Variants in C13orf42 observed in about 807,000 individuals in gnomAD.
C13orf42 encodes chromosome 13 open reading frame 42.
Position 51,159,373 on chromosome 13 carries a change from T to A in C13orf42, n.136+12880A>T, listed in dbSNP as rs184321553. Reference sequence around the variant, plus strand: ...GAGGACTAGGGAACAGTGTGGGGGATAGAATGACAAGAAAATAAAGAGGCT... The same window carrying A: ...GAGGACTAGGGAACAGTGTGGGGGAAAGAATGACAAGAAAATAAAGAGGCT... On this transcript the variant is annotated intron_variant and non_coding_transcript_variant, in intron 1 of 4. Coordinates refer to the C13orf42 transcript ENST00000433280. Among the ~76,000 whole-genome samples, 7 of 152,250 alleles carry A rather than the reference T, an allele frequency of 4.6e-5. No individual in the cohort carries two copies. In the East Asian group the frequency reaches 1.3e-3, roughly 29 times the overall value.
chr13:51,102,094 G>A (rs1953299173), intron 1 of C13orf42, among the ~76,000 whole-genome samples: 1 of 152,116 alleles, frequency 6.6e-6, no homozygotes, highest in Admixed American at 6.6e-5. Context: ...AGCATAATAG[G>A]AAATTTTTTG....
At chr13:51,098,477 T>A (rs1447328206) in intron 1 of C13orf42, among the ~76,000 whole-genome samples, 1 of 152,086 alleles carries the variant, frequency 6.6e-6, no homozygotes, top group Non-Finnish European at 1.5e-5. Context: ...CCCAGGCACA[T>A]CTTTTCTATG....
chr13:51,119,246 G>A (rs1041851456), intron 1 of C13orf42, among the ~76,000 whole-genome samples: 6 of 152,082 alleles, frequency 3.9e-5, no homozygotes, highest in Non-Finnish European at 8.8e-5. Flanking sequence ...AAGTCATCAA[G>A]AGGAAATGAG....
Position 51,084,053 on chromosome 13 carries a change from AT to A in C13orf42, c.*97del, listed in dbSNP as rs1327274292. On this transcript the variant is annotated 3_prime_UTR_variant, in exon 4 of 4. Coordinates refer to ENST00000563710, the MANE Select transcript of C13orf42 (RefSeq NM_001351589.3). ...TGCTGAGTGGGTTGACTGTGTTACA[AT>A]TGGCATTTTCAACTCTACCAAATAC... is the stretch of plus-strand genomic sequence containing the variant. The A allele has an allele frequency of 5.0e-6, 2 of 397,296 alleles. No individual in the cohort carries two copies. The highest frequency in any genetic ancestry group is 2.1e-5 in the African/African-American group (1 of 48,744). The allele number at this position is 397,296 out of a possible 1,614,324, so 24.6% of individuals were successfully genotyped here. A position where few individuals can be genotyped will look rare whatever the true frequency, so the allele number is the denominator to read the frequency against.
Position 51,082,823 on chromosome 13 carries a change from A to C in C13orf42, c.*1328T>G, listed in dbSNP as rs1217410554. 6.6e-6 allele frequency: 1 copy of C among 152,248 alleles called. No individual in the cohort carries two copies. The highest frequency in any genetic ancestry group is 1.5e-5 in the Non-Finnish European group (1 of 68,044). The allele number at this position is 152,248 out of a possible 1,614,324, so 9.4% of individuals were successfully genotyped here. On this transcript the variant is annotated 3_prime_UTR_variant, in exon 4 of 4. Transcript: ENST00000563710. ...ATGGTTTCATTCTGAAAACATGTTGAGATAAAATTTCTAAGAATGCAATAT... is the reference window on the plus strand; with the variant it reads ...ATGGTTTCATTCTGAAAACATGTTGCGATAAAATTTCTAAGAATGCAATAT...
At chr13:51,104,458 G>A (rs1323922763) in intron 1 of C13orf42, among the ~76,000 whole-genome samples, 1 of 152,160 alleles carries the variant, frequency 6.6e-6, no homozygotes, top group Non-Finnish European at 1.5e-5. Flanking sequence ...AGGCTGAGGT[G>A]GGCAGATTGC....
At chr13:51,098,976 T>A (rs993133969) in intron 1 of C13orf42, among the ~76,000 whole-genome samples, 1 of 152,210 alleles carries the variant, frequency 6.6e-6, no homozygotes, top group African/African-American at 2.4e-5. Context: ...AAACGTGGAA[T>A]TGGTCCTGAT....
chr13:51,158,717 AC>A (rs1473774345), intron 1 of C13orf42, among the ~76,000 whole-genome samples: 1 of 152,206 alleles, frequency 6.6e-6, no homozygotes, highest in Non-Finnish European at 1.5e-5. Context: ...ACTCGCAGTA[AC>A]CCATCAATTC....
chr13:51,159,608 C>G (rs1342083112), intron 1 of C13orf42, among the ~76,000 whole-genome samples: 1 of 152,144 alleles, frequency 6.6e-6, no homozygotes, highest in African/African-American at 2.4e-5. Flanking sequence ...GCTGAGATCT[C>G]AGGGTTATTG....
intron 1 of C13orf42, among the ~76,000 whole-genome samples, chr13:51,154,834 C>A (rs73488032): frequency 0.041 from 6,165 of 152,188 alleles, 359 homozygotes; most frequent in African/African-American, 0.13. Flanking sequence ...GCACATTCGA[C>A]GGTTTCTTGT....
rs996866819 is a variant in C13orf42, at chr13:51,111,124, G to A, written c.86C>T (p.Pro29Leu). Residue 29 changes from proline (P) to leucine (L), a missense_variant, in exon 1 of 4, where the codon CCC becomes CTC. Transcript: ENST00000563710. ...ACTGCTTCGAATCAGCTTCACTGCGGGGCTGGCTCCTTCGTAGAAGGGGCT... is the reference window on the plus strand; with the variant it reads ...ACTGCTTCGAATCAGCTTCACTGCGAGGCTGGCTCCTTCGTAGAAGGGGCT... ...AESPFYEGAS[P>L]AVKLIRSSSM... The A allele has an allele frequency of 5.0e-6, 2 of 398,648 alleles. No individual in the cohort carries two copies. Among genetic ancestry groups the A allele is most frequent in the Non-Finnish European group, 8.8e-6 (2 of 226,090 alleles). 24.7% of individuals were successfully genotyped at this position (398,648 alleles called of 1,614,324 possible). A position where few individuals can be genotyped will look rare whatever the true frequency, so the allele number is the denominator to read the frequency against.
chr13:51,137,937 A>G (rs912513977), intron 1 of C13orf42, among the ~76,000 whole-genome samples: 3 of 152,206 alleles, frequency 2.0e-5, no homozygotes, highest in Non-Finnish European at 4.4e-5. Context: ...GCTTTATTTC[A>G]GATTACTGTC....
chr13:51,097,019 AG>A (rs983705192), intron 1 of C13orf42, among the ~76,000 whole-genome samples: 4 of 152,236 alleles, frequency 2.6e-5, no homozygotes, highest in Admixed American at 2.0e-4. Flanking sequence ...AAAAACAAAA[AG>A]GAGCATACCA....
chr13:51,095,467 CTTATA>C (rs951361874), intron 1 of C13orf42, among the ~76,000 whole-genome samples: 1 of 152,108 alleles, frequency 6.6e-6, no homozygotes, highest in African/African-American at 2.4e-5. Flanking sequence ...TCCAGCTATA[CTTATA>C]TTAGACCCCT....
At chr13:51,128,142 C>A (rs184640666) in intron 1 of C13orf42, among the ~76,000 whole-genome samples, 1 of 152,214 alleles carries the variant, frequency 6.6e-6, no homozygotes. Context: ...GAATAATCCA[C>A]CCCTTGTTTA....
chr13:51,128,951 C>T (rs1439651300), intron 1 of C13orf42, among the ~76,000 whole-genome samples: 1 of 152,158 alleles, frequency 6.6e-6, no homozygotes. Flanking sequence ...GTTTACCCTA[C>T]CTCCATTAAC....
At chr13:51,153,621 G>GTTTTTTTTTTTTTTTTTTTTT (rs1202370498) in intron 1 of C13orf42, among the ~76,000 whole-genome samples, 29 of 82,028 alleles carry the variant, frequency 3.5e-4, no homozygotes, top group Non-Finnish European at 5.2e-4. Flanking sequence ...CTTGCTTTCT[G>GTTTTTTTTTTTTTTTTTTTTT]TTTTTTTTCT....
At chr13:51,101,568 T>G (rs1431575111) in intron 1 of C13orf42, among the ~76,000 whole-genome samples, 1 of 152,200 alleles carries the variant, frequency 6.6e-6, no homozygotes, top group Admixed American at 6.5e-5. Flanking sequence ...AGATCTTCCA[T>G]CAAAGTTTAT....
intron 1 of C13orf42, among the ~76,000 whole-genome samples, chr13:51,093,449 C>G (rs1042312911): frequency 6.6e-6 from 1 of 152,142 alleles, no homozygotes; most frequent in African/African-American, 2.4e-5. Flanking sequence ...TGCAAAGTGG[C>G]TACCGTGATT....
Sources: gnomAD v4.1 joint callset for allele counts (sites outside exome capture counted in the v4.1 genomes callset) on GRCh38, gnomAD v4.1.1 for gene constraint, MANE v1.5 for transcripts, NCBI Gene and HGNC (gene_info 2026-07-23, HGNC 2026-07-21) for gene names.